Variants in PRKG1 observed in about 807,000 individuals in gnomAD.
The protein encoded by PRKG1 is protein kinase cGMP-dependent 1.
PRKG1 carries 35 observed loss-of-function variants against 88.1 expected under a neutral mutation model. That is an observed-to-expected ratio of 0.40 (90% CI 0.30 to 0.53). PRKG1 has a LOEUF of 0.53. Among genes scored for constraint, PRKG1 ranks in the 20% least tolerant of loss-of-function variants. PRKG1 has a pLI of 0.59. For missense variants in PRKG1, 540 were observed against 839.8 expected (o/e 0.64, Z 4.41); for synonymous variants, 303 against 292.5 (o/e 1.04, Z -0.37).
intron 3 of PRKG1, among the ~76,000 whole-genome samples, chr10:51,595,879 G>C (rs947360335): frequency 1.3e-5 from 2 of 151,984 alleles, no homozygotes; most frequent in African/African-American, 4.8e-5. Flanking sequence ...CTGTCACCCA[G>C]GCTGGAGTGC....
At position 51,115,410 on chromosome 10, in the gene PRKG1, CAGAGAGAGAGAGAG is replaced by C. The variant is rs10599349; in HGVS notation, c.312-37742_312-37729del. On this transcript the variant is annotated intron_variant, in intron 1 of 17. Coordinates refer to ENST00000373980, the MANE Select transcript of PRKG1 (RefSeq NM_006258.4). ...AAAACAAATGTGAAAGGGGGAGAGACAGAGAGAGAGAGAGAGAGAGAGAGATCTGTCGATAATTG... is the reference window on the plus strand; with the variant it reads ...AAAACAAATGTGAAAGGGGGAGAGACAGAGAGAGAGATCTGTCGATAATTG... Among the ~76,000 whole-genome samples, 366 of 111,980 alleles carry C rather than the reference CAGAGAGAGAGAGAG, an allele frequency of 3.3e-3. 3 individuals are homozygous for C. The highest frequency in any genetic ancestry group is 5.8e-3 in the Non-Finnish European group (318 of 54,440). The allele number at this position is 111,980 out of a possible 152,430, so 73.5% of individuals were successfully genotyped here.
intron 1 of PRKG1, among the ~76,000 whole-genome samples, chr10:51,016,887 G>A (rs542574324): frequency 3.3e-5 from 5 of 150,940 alleles, no homozygotes; most frequent in South Asian, 4.2e-4. Flanking sequence ...CAGTAGGGTC[G>A]CAATCTCCTG....
chr10:51,392,862 AC>A (rs1211113090), intron 2 of PRKG1, among the ~76,000 whole-genome samples: 34 of 104,570 alleles, frequency 3.3e-4, no homozygotes, highest in South Asian at 6.3e-4. Context: ...CTGGGGGCTG[AC>A]CCCCCCACCT....
intron 1 of PRKG1, among the ~76,000 whole-genome samples, chr10:50,998,187 C>T (rs1842854339): frequency 6.6e-6 from 1 of 152,156 alleles, no homozygotes; most frequent in South Asian, 2.1e-4. Flanking sequence ...GATGATTTTT[C>T]TTCTCCTTTT....
At chr10:51,623,767 T>G (rs2132266403) in intron 3 of PRKG1, among the ~76,000 whole-genome samples, 1 of 152,202 alleles carries the variant, frequency 6.6e-6, no homozygotes, top group South Asian at 2.1e-4. Context: ...CTCCTAAGCC[T>G]CTTCTACTCC....
intron 3 of PRKG1, among the ~76,000 whole-genome samples, chr10:51,800,272 T>C (rs1185600590): frequency 1.3e-5 from 2 of 152,110 alleles, no homozygotes; most frequent in Non-Finnish European, 2.9e-5. Flanking sequence ...AGATGCCAGA[T>C]TTCTTAGTCA....
chr10:51,562,579 A>G (rs1837495305), intron 3 of PRKG1, among the ~76,000 whole-genome samples: 1 of 152,084 alleles, frequency 6.6e-6, no homozygotes, highest in African/African-American at 2.4e-5. Context: ...GGGAATAGCA[A>G]GATAAATACA....
intron 3 of PRKG1, among the ~76,000 whole-genome samples, chr10:51,644,319 T>C (rs1839868139): frequency 6.6e-6 from 1 of 152,224 alleles, no homozygotes; most frequent in Admixed American, 6.5e-5. Context: ...ATATTCGTTC[T>C]TCCTTTGAGG....
intron 4 of PRKG1, among the ~76,000 whole-genome samples, chr10:51,821,349 T>G (rs1272453871): frequency 1.3e-5 from 2 of 152,244 alleles, no homozygotes; most frequent in East Asian, 1.9e-4. Flanking sequence ...CCTTCATTTC[T>G]CTTAAGTATA....
At chr10:52,119,266 T>A (rs1847760338) in intron 7 of PRKG1, among the ~76,000 whole-genome samples, 1 of 152,174 alleles carries the variant, frequency 6.6e-6, no homozygotes, top group Admixed American at 6.5e-5. Flanking sequence ...CATAAAATCC[T>A]AACAAACCAC....
At chr10:51,757,119 T>C (rs1837888740) in intron 3 of PRKG1, among the ~76,000 whole-genome samples, 1 of 152,070 alleles carries the variant, frequency 6.6e-6, no homozygotes, top group Non-Finnish European at 1.5e-5. Flanking sequence ...TTTATTTTTA[T>C]TGAGACAGGG....
At chr10:52,129,392 A>G (rs1351103484) in intron 7 of PRKG1, among the ~76,000 whole-genome samples, 1 of 152,238 alleles carries the variant, frequency 6.6e-6, no homozygotes. Context: ...TATCATTGAC[A>G]TTCTCTCTTT....
chr10:51,773,901 AC>A (rs1445208481), intron 3 of PRKG1, among the ~76,000 whole-genome samples: 3 of 152,008 alleles, frequency 2.0e-5, no homozygotes, highest in African/African-American at 7.2e-5. Flanking sequence ...TGTCATTTTC[AC>A]CCTCAAACTC....
At chr10:51,693,702 C>T (rs1841208510) in intron 3 of PRKG1, among the ~76,000 whole-genome samples, 2 of 152,084 alleles carry the variant, frequency 1.3e-5, no homozygotes, top group Admixed American at 6.6e-5. Flanking sequence ...ATGCCCGACT[C>T]CCAAGTGTCA....
intron 3 of PRKG1, among the ~76,000 whole-genome samples, chr10:51,731,029 G>T (rs1164185483): frequency 1.3e-5 from 2 of 152,076 alleles, no homozygotes; most frequent in Non-Finnish European, 2.9e-5. Context: ...GGTGGTGGGT[G>T]CCTGTAATCC....
chr10:51,370,663 A>G (rs1185676749), intron 2 of PRKG1, among the ~76,000 whole-genome samples: 2 of 152,112 alleles, frequency 1.3e-5, no homozygotes, highest in Non-Finnish European at 2.9e-5. Flanking sequence ...TAGAAGCCAT[A>G]TTAAAAAATA....
intron 2 of PRKG1, among the ~76,000 whole-genome samples, chr10:51,235,490 C>T (rs1368092148): frequency 6.6e-6 from 1 of 152,122 alleles, no homozygotes; most frequent in Non-Finnish European, 1.5e-5. Context: ...TACTGTCTGC[C>T]TTTGCTGAAA....
At chr10:51,776,877 T>C (rs1438529685) in intron 3 of PRKG1, among the ~76,000 whole-genome samples, 1 of 152,034 alleles carries the variant, frequency 6.6e-6, no homozygotes, top group Non-Finnish European at 1.5e-5. Flanking sequence ...GAAGACTATA[T>C]GATGAGGCAA....
chr10:51,402,966 G>A (rs538288705), intron 2 of PRKG1, among the ~76,000 whole-genome samples: 30 of 152,250 alleles, frequency 2.0e-4, no homozygotes, highest in African/African-American at 6.7e-4. Context: ...GTGATTAAAA[G>A]GCAAAGCTAC....
Sources: allele counts gnomAD v4.1 joint callset (sites outside exome capture counted in the v4.1 genomes callset), GRCh38; gene constraint gnomAD v4.1.1; transcripts MANE v1.5; gene names NCBI Gene and HGNC (gene_info 2026-07-23, HGNC 2026-07-21).